LIFR: variants seen among roughly 807,000 people sequenced by gnomAD.
LIFR encodes the protein leukemia inhibitory factor receptor.
Under a neutral mutation model 122.2 loss-of-function variants are expected in LIFR, and 84 were observed. That is an observed-to-expected ratio of 0.69 (90% CI 0.58 to 0.82). LIFR has a LOEUF of 0.82. Among genes scored for constraint, LIFR ranks in the 40% least tolerant of loss-of-function variants. The pLI, the probability that LIFR is intolerant of heterozygous loss-of-function variation, is 0.00. For synonymous variants in LIFR, 422 were observed against 434.7 expected, an observed-to-expected ratio of 0.97 and a Z score of 0.36; for missense variants, 1,294 against 1,311.6, an observed-to-expected ratio of 0.99 and a Z score of 0.21.
At chr5:38,495,338 T>C (rs566844004) in intron 13 of LIFR, among the ~76,000 whole-genome samples, 8 of 152,360 alleles carry the variant, frequency 5.3e-5, no homozygotes, top group Non-Finnish European at 1.0e-4. Flanking sequence ...GATGTTCACA[T>C]CTCTGTCTCC....
At position 38,587,092 on chromosome 5, in the gene LIFR, G is replaced by C. The variant is rs76233992; in HGVS notation, c.-20+8169C>G. Among the ~76,000 whole-genome samples, 1,339 of 152,156 alleles carry C rather than the reference G, an allele frequency of 8.8e-3. 112 individuals are homozygous for C. The East Asian group carries it at 0.2, about 23-fold the overall frequency. On this transcript the variant is annotated intron_variant, in intron 1 of 19. Transcript: ENST00000263409. ...AATCCTTCACTCATCCATTTGGAGA[G>C]TTTTATGAACAGCCACAGGACTACA... is the stretch of plus-strand genomic sequence containing the variant.
At chr5:38,540,152 C>T (rs1276021749) in intron 1 of LIFR, among the ~76,000 whole-genome samples, 1 of 152,102 alleles carries the variant, frequency 6.6e-6, no homozygotes, top group African/African-American at 2.4e-5. Context: ...GGTAGGGGCT[C>T]GCAGATAAAT....
At chr5:38,486,854 G>T (rs559534228) in intron 16 of LIFR, among the ~76,000 whole-genome samples, 1 of 152,262 alleles carries the variant, frequency 6.6e-6, no homozygotes, top group Admixed American at 6.5e-5. Flanking sequence ...CGGAACTTTT[G>T]ATGAATTCAG....
At position 38,581,541 on chromosome 5, in the gene LIFR, A is replaced by G. The variant is rs114202272; in HGVS notation, c.-20+13720T>C. Among the ~76,000 whole-genome samples, 262 of 152,306 alleles carry G rather than the reference A, an allele frequency of 1.7e-3. 1 individual carries two copies. Among genetic ancestry groups the G allele is most frequent in the African/African-American group, 6.1e-3 (254 of 41,570 alleles). Reference sequence around the variant, plus strand: ...CATGTCTTGGAGGTTTTCAACAGCAAGGTCTATTTCTTGCTTGTATATTAC... The same window carrying G: ...CATGTCTTGGAGGTTTTCAACAGCAGGGTCTATTTCTTGCTTGTATATTAC... On this transcript the variant is annotated intron_variant, in intron 1 of 19. Transcript: ENST00000263409.
In LIFR at chr5:38,510,562, G is replaced by T; in HGVS notation, c.893C>A (p.Ala298Glu). ...AACAGAAATATTACGAATCTTGATT[G>T]CAACATTTTCCCCATCAAGATGGAT... The part of the protein sequence containing the change: ...PLIHLDGENV[A>E]IKIRNISVSA... Residue 298 changes from alanine (A) to glutamate (E), a missense_variant, in exon 7 of 20, where the codon GCA becomes GAA. By Grantham distance (107) the Ala-to-Glu change is moderately radical. Coordinates refer to ENST00000453190, the MANE Select transcript of LIFR (RefSeq NM_001127671.2). 3.7e-6 allele frequency: 6 copies of T among 1,613,940 alleles called. No individual in the cohort carries two copies. The highest frequency in any genetic ancestry group is 5.1e-6 in the Non-Finnish European group (6 of 1,179,930).
intron 1 of LIFR, among the ~76,000 whole-genome samples, chr5:38,547,499 C>T (rs530381363): frequency 2.8e-4 from 42 of 151,816 alleles, no homozygotes; most frequent in African/African-American, 1.0e-3. Context: ...TTTTATTTGG[C>T]CGTATGAGGA....
rs1743739001 is a variant in LIFR at position 38,476,699 on chromosome 5, T to C, written c.*4896A>G. ...AAAAATGTAAATCATATTTTGTTTC[T>C]GGCTAATGTTCAATCAGTTTTTCTT... On this transcript the variant is annotated 3_prime_UTR_variant, in exon 20 of 20. Coordinates refer to ENST00000453190, the MANE Select transcript of LIFR (RefSeq NM_001127671.2). 1 of 209,388 alleles carries C rather than the reference T, an allele frequency of 4.8e-6. No individual in the cohort carries two copies. The allele number at this position is 209,388 out of a possible 1,614,324, so 13.0% of individuals were successfully genotyped here.
At chr5:38,515,045 A>T (rs989284021) in intron 5 of LIFR, among the ~76,000 whole-genome samples, 8 of 152,196 alleles carry the variant, frequency 5.3e-5, no homozygotes, top group Non-Finnish European at 1.0e-4. Context: ...GATCCATCAT[A>T]AGACAAAGTT....
At chr5:38,557,187 G>A (rs575038456), upstream of LIFR, 3 of 152,456 alleles carry the variant, frequency 2.0e-5, no homozygotes, top group Admixed American at 6.5e-5. Context: ...CCTCCTGCCG[G>A]GTGTGGGGCT....
intron 2 of LIFR, 25 bp from the exon 3 acceptor site, chr5:38,528,865 C>T (rs768354650): frequency 2.0e-6 from 2 of 1,016,338 alleles, no homozygotes; most frequent in Non-Finnish European, 1.5e-6. Context: ...CACACACACA[C>T]ACACACACAC....
intron 1 of LIFR, among the ~76,000 whole-genome samples, chr5:38,585,971 T>C (rs569008005): frequency 6.6e-6 from 1 of 152,138 alleles, no homozygotes; most frequent in African/African-American, 2.4e-5. Context: ...CTGTTTCCCA[T>C]CTGCAACTGG....
chr5:38,498,639 T>A (rs1745013447), intron 12 of LIFR, among the ~76,000 whole-genome samples: 1 of 152,204 alleles, frequency 6.6e-6, no homozygotes, highest in Non-Finnish European at 1.5e-5. Flanking sequence ...CATTTCAATG[T>A]TTTTAGTCTT....
At chr5:38,531,388 A>G (rs1019977010) in intron 1 of LIFR, among the ~76,000 whole-genome samples, 3 of 152,182 alleles carry the variant, frequency 2.0e-5, no homozygotes, top group Non-Finnish European at 4.4e-5. Context: ...ATATAAGCAA[A>G]GGCTAAAATA....
At chr5:38,578,301 G>A (rs1580220668) in intron 1 of LIFR, among the ~76,000 whole-genome samples, 1 of 144,770 alleles carries the variant, frequency 6.9e-6, no homozygotes, top group East Asian at 2.1e-4. Flanking sequence ...CTGCCTCCCG[G>A]TTTCAAGTGA....
At chr5:38,542,970 T>C (rs1244283996) in intron 1 of LIFR, among the ~76,000 whole-genome samples, 1 of 151,992 alleles carries the variant, frequency 6.6e-6, no homozygotes, top group Non-Finnish European at 1.5e-5. Flanking sequence ...AATGAAGATT[T>C]TTTCCCTGGG....
chr5:38,526,680 C>T (rs1443803063), intron 4 of LIFR, among the ~76,000 whole-genome samples: 1 of 152,096 alleles, frequency 6.6e-6, no homozygotes, highest in Non-Finnish European at 1.5e-5. Context: ...TTTCAATTTT[C>T]TTATCCCAAT....
intron 1 of LIFR, among the ~76,000 whole-genome samples, chr5:38,562,651 A>G (rs1748879626): frequency 1.3e-5 from 2 of 152,232 alleles, no homozygotes; most frequent in Admixed American, 6.5e-5. Flanking sequence ...GAAAGAAGCC[A>G]AAAGATTAAG....
At chr5:38,497,799 A>C (rs958507084) in intron 12 of LIFR, among the ~76,000 whole-genome samples, 4 of 152,170 alleles carry the variant, frequency 2.6e-5, no homozygotes, top group African/African-American at 9.7e-5. Context: ...TCCATAATAC[A>C]GTTATATACA....
chr5:38,482,971 T>C (rs947020063), intron 18 of LIFR, among the ~76,000 whole-genome samples: 2 of 152,222 alleles, frequency 1.3e-5, no homozygotes, highest in East Asian at 1.9e-4. Context: ...ATCTGGACTA[T>C]GTAAGAACAG....
Sources: allele counts gnomAD v4.1 joint callset (sites outside exome capture counted in the v4.1 genomes callset), GRCh38; gene constraint gnomAD v4.1.1; transcripts MANE v1.5; gene names NCBI Gene and HGNC (gene_info 2026-07-23, HGNC 2026-07-21).